Variants in PCDHA7 observed in about 807,000 individuals in gnomAD.
PCDHA7 encodes protocadherin alpha-7.
A neutral mutation model predicts 57.2 loss-of-function variants in PCDHA7; 37 were observed. That is an observed-to-expected ratio of 0.65 (90% CI 0.50 to 0.85). The LOEUF (loss-of-function observed/expected upper bound fraction) is 0.85. Ranked by LOEUF, PCDHA7 falls within the 40% of genes least tolerant of loss-of-function variation. PCDHA7 has a pLI of 0.00. For missense variants in PCDHA7, 1,188 were observed against 1,241.8 expected (o/e 0.96, Z 0.65); for synonymous variants, 553 against 558.8 (o/e 0.99, Z 0.15).
At chr5:140,960,762 A>G (rs1164322988) in intron 1 of PCDHA7, among the ~76,000 whole-genome samples, 5 of 152,214 alleles carry the variant, frequency 3.3e-5, no homozygotes, top group Non-Finnish European at 7.3e-5. Flanking sequence ...CCCAAGAGTT[A>G]CAGAGGAGAA....
At chr5:140,876,742 G>C (rs1554168860) in intron 1 of PCDHA7, 3 of 1,614,274 alleles carry the variant, frequency 1.9e-6, no homozygotes, top group Admixed American at 3.3e-5. Context: ...CTATGAGCTG[G>C]TGGTGACTGC....
At chr5:140,863,761 A>C (rs1000713461) in intron 1 of PCDHA7, 5 of 242,322 alleles carry the variant, frequency 2.1e-5, no homozygotes, top group Non-Finnish European at 3.3e-5. Flanking sequence ...CACTTTGGGA[A>C]GCCGAGGCGG....
chr5:140,875,731 A>C, intron 1 of PCDHA7: 14 of 1,614,150 alleles, frequency 8.7e-6, no homozygotes, highest in Non-Finnish European at 1.0e-5. Context: ...TTTGTTTGTG[A>C]ATTCTCGGAT....
At chr5:140,917,370 C>T (rs571895312) in intron 1 of PCDHA7, among the ~76,000 whole-genome samples, 1 of 150,338 alleles carries the variant, frequency 6.7e-6, no homozygotes, top group Non-Finnish European at 1.5e-5. Context: ...CTATCTTGCT[C>T]CACCTCAATA....
intron 1 of PCDHA7, among the ~76,000 whole-genome samples, chr5:140,945,397 A>G (rs2093784345): frequency 6.6e-6 from 1 of 152,132 alleles, no homozygotes; most frequent in Admixed American, 6.5e-5. Context: ...TACAAATTCA[A>G]TACAATTCGT....
At chr5:141,000,079 G>A (rs1233130123) in intron 3 of PCDHA7, among the ~76,000 whole-genome samples, 2 of 152,102 alleles carry the variant, frequency 1.3e-5, no homozygotes, top group Non-Finnish European at 2.9e-5. Flanking sequence ...CACAATGCTA[G>A]GCCTGTGAAT....
intron 1 of PCDHA7, among the ~76,000 whole-genome samples, chr5:140,901,191 C>A (rs2153472732): frequency 6.6e-6 from 1 of 152,084 alleles, no homozygotes; most frequent in Non-Finnish European, 1.5e-5. Context: ...GTTTGCTTTT[C>A]TGTGCAGAAG....
At chr5:140,882,534 G>C in intron 1 of PCDHA7, 1 of 1,614,204 alleles carries the variant, frequency 6.2e-7, no homozygotes. Flanking sequence ...GTGAATTCTC[G>C]GATCGACCGC....
intron 1 of PCDHA7, among the ~76,000 whole-genome samples, chr5:140,895,581 TTAGA>T (rs1442561424): frequency 6.6e-6 from 1 of 152,216 alleles, no homozygotes; most frequent in Non-Finnish European, 1.5e-5. Flanking sequence ...AATTACTTTA[TTAGA>T]TATATAATTT....
intron 1 of PCDHA7, chr5:140,883,585 C>T (rs782326010): frequency 4.3e-6 from 7 of 1,613,932 alleles, no homozygotes; most frequent in East Asian, 4.5e-5. Flanking sequence ...GGGCCACGGC[C>T]AGCGTGTCGG....
intron 1 of PCDHA7, chr5:140,870,821 G>A (rs782742871): frequency 6.2e-7 from 1 of 1,613,736 alleles, no homozygotes; most frequent in South Asian, 1.1e-5. Flanking sequence ...GGCAGCGCGG[G>A]AGGCGCAGTT....
At chr5:140,872,614 T>G (rs1001550468) in intron 1 of PCDHA7, among the ~76,000 whole-genome samples, 1 of 152,320 alleles carries the variant, frequency 6.6e-6, no homozygotes, top group Admixed American at 6.5e-5. Flanking sequence ...TAATTTTTTT[T>G]GCCTGTTCTT....
chr5:140,870,792 A>G (rs782032105), intron 1 of PCDHA7: 5 of 1,613,658 alleles, frequency 3.1e-6, no homozygotes, highest in East Asian at 2.2e-5. Flanking sequence ...ACGCGCCGGC[A>G]CTGCTGGCGA....
intron 1 of PCDHA7, chr5:140,883,380 T>C (rs1554177974): frequency 1.2e-6 from 2 of 1,614,176 alleles, no homozygotes; most frequent in Admixed American, 3.3e-5. Context: ...ATTATTGCCC[T>C]AATCAGTGTG....
chr5:141,002,853 G>C (rs781830862), intron 3 of PCDHA7, among the ~76,000 whole-genome samples: 1 of 152,184 alleles, frequency 6.6e-6, no homozygotes, highest in Non-Finnish European at 1.5e-5. Context: ...ACTAGTGAGA[G>C]AACCAGGGCA....
chr5:140,856,885 A>G, intron 1 of PCDHA7: 2 of 1,596,608 alleles, frequency 1.3e-6, no homozygotes, highest in Non-Finnish European at 1.7e-6. Context: ...TGATGTATTC[A>G]TTTAGCTCTT....
chr5:140,848,637 A>G, intron 1 of PCDHA7: 1 of 1,593,240 alleles, frequency 6.3e-7, no homozygotes, highest in Non-Finnish European at 8.6e-7. Context: ...CGTGGGCCGC[A>G]TCGCGCAGGA....
intron 1 of PCDHA7, among the ~76,000 whole-genome samples, chr5:140,889,062 T>C (rs1463008573): frequency 1.3e-5 from 2 of 152,052 alleles, no homozygotes; most frequent in African/African-American, 2.4e-5. Context: ...CCTTTTAATA[T>C]ACTACTTATT....
chr5:140,984,164 A>G (rs1471799520), intron 3 of PCDHA7, among the ~76,000 whole-genome samples: 1 of 152,208 alleles, frequency 6.6e-6, no homozygotes, highest in Non-Finnish European at 1.5e-5. Context: ...GAACTTCCCA[A>G]AGAAGCCACG....
Sources: gnomAD v4.1 joint callset for allele counts (sites outside exome capture counted in the v4.1 genomes callset) on GRCh38, gnomAD v4.1.1 for gene constraint, MANE v1.5 for transcripts, NCBI Gene and HGNC (gene_info 2026-07-23, HGNC 2026-07-21) for gene names.